BCOR: variants seen among roughly 807,000 people sequenced by gnomAD.
The protein encoded by BCOR is BCL6 corepressor.
Under a neutral mutation model 86.7 loss-of-function variants are expected in BCOR, and 10 were observed. The ratio of observed to expected loss-of-function variants is 0.12; its 90% CI spans 0.07 to 0.20. The LOEUF (loss-of-function observed/expected upper bound fraction) is 0.20, where lower values mean the gene tolerates loss of function less well. Ranked by LOEUF, BCOR falls within the 10% of genes least tolerant of loss-of-function variation. The probability of loss-of-function intolerance (pLI) is 1.00; values close to 1 mark genes in which losing one functional copy is unlikely to be tolerated. For missense variants in BCOR, 1,259 were observed against 1,452.1 expected, an observed-to-expected ratio of 0.87 and a Z score of 2.16; for synonymous variants, 611 against 609.0, an observed-to-expected ratio of 1.00 and a Z score of -0.05.
Position 40,111,457 on chromosome X carries a change from A to G in BCOR, c.-40-33488T>C, listed in dbSNP as rs1410071274. Among the ~76,000 whole-genome samples, 3 of 112,464 alleles carry G rather than the reference A, an allele frequency of 2.7e-5. No individual in the cohort carries two copies. The Admixed American group carries it at 2.8e-4, about 11-fold the overall frequency. On this transcript the variant is annotated intron_variant, in intron 1 of 14. Transcript: ENST00000342274. ...GCTAGTCATGAAGTTATTTTAAGAC[A>G]CTGGAATAAGTGCAGCTTTGTTTAT...
intron 1 of BCOR, among the ~76,000 whole-genome samples, chrX:40,139,482 T>TATAC: frequency 6.6e-5 from 1 of 15,183 alleles, no homozygotes; most frequent in African/African-American, 5.7e-4. Context: ...TATATATATA[T>TATAC]ATATATATAT....
chrX:40,176,948 T>TCCCCA (rs1402838938), intron 1 of BCOR: 4 of 108,631 alleles, frequency 3.7e-5, no homozygotes, highest in Admixed American at 9.7e-5. Context: ...TACTCCCTGC[T>TCCCCA]CCCCACCCCA....
intron 6 of BCOR, 129 bp from the exon 7 acceptor site, chrX:40,064,728 G>A: frequency 1.2e-5 from 9 of 750,137 alleles, no homozygotes; most frequent in Non-Finnish European, 1.8e-5. Context: ...TTTGGAGACT[G>A]GGGTCCTCAC....
In BCOR at chrX:40,074,711, T is replaced by A; in HGVS notation, c.635A>T (p.Lys212Met). 1 of 1,211,390 alleles carries A rather than the reference T, an allele frequency of 8.3e-7. No individual in the cohort carries two copies. The highest frequency in any genetic ancestry group is 2.3e-4 in the Middle Eastern group (1 of 4,356). ...GGCCTTGTACATGTTCAGTGAATAC[T>A]TATTTGGCGAGTCGAGGAAAGGGTA... ...AIYPFLDSPN[K>M]YSLNMYKALL... Residue 212 changes from lysine (K) to methionine (M), a missense_variant, in exon 4 of 15, where the codon AAG becomes ATG. This residue lies in a region of BCOR where 174 missense variants were observed against 189.3 expected (regional missense o/e 0.92). Coordinates refer to ENST00000378444, the MANE Select transcript of BCOR (RefSeq NM_001123385.2).
chrX:40,131,316 A>G (rs1937598863), intron 1 of BCOR, among the ~76,000 whole-genome samples: 1 of 112,360 alleles, frequency 8.9e-6, no homozygotes, highest in Non-Finnish European at 1.9e-5. Flanking sequence ...GAAGGTGCTC[A>G]CTGCACCCTG....
In BCOR at chrX:40,076,447, C is replaced by T; in HGVS notation, c.165+7G>A. 2 of 1,179,115 alleles carry T rather than the reference C, an allele frequency of 1.7e-6. No individual in the cohort carries two copies. Among genetic ancestry groups the T allele is most frequent in the East Asian group, 3.0e-5 (1 of 33,475 alleles). ...TATGGCATCAACAGAAGCTATTAATCTCTTACCACGTTGTGGTTCAAGGGA... is the reference window on the plus strand; with the variant it reads ...TATGGCATCAACAGAAGCTATTAATTTCTTACCACGTTGTGGTTCAAGGGA... On this transcript the variant is annotated splice_region_variant and intron_variant, in intron 3 of 14. Coordinates refer to ENST00000378444, the MANE Select transcript of BCOR (RefSeq NM_001123385.2).
chrX:40,114,017 C>G (rs1937355295), intron 1 of BCOR, among the ~76,000 whole-genome samples: 1 of 111,335 alleles, frequency 9.0e-6, no homozygotes, highest in Admixed American at 9.6e-5. Context: ...CAGGGTTTCA[C>G]CATGTTGGCC....
intron 12 of BCOR, among the ~76,000 whole-genome samples, 197 bp downstream of exon 12, chrX:40,055,171 A>G (rs1219222233): frequency 2.7e-5 from 3 of 112,575 alleles, no homozygotes; most frequent in Non-Finnish European, 5.6e-5. Flanking sequence ...GAAATCTTTT[A>G]AAACATTAGG....
intron 1 of BCOR, among the ~76,000 whole-genome samples, chrX:40,089,612 A>C (rs1373220633): frequency 9.0e-6 from 1 of 110,956 alleles, no homozygotes; most frequent in African/African-American, 3.3e-5. Context: ...ACCCTGGTGT[A>C]AGGCCAATGC....
At chrX:40,139,384 A>T (rs1385667005) in intron 1 of BCOR, among the ~76,000 whole-genome samples, 1 of 17,362 alleles carries the variant, frequency 5.8e-5, no homozygotes, top group Non-Finnish European at 9.9e-5. Flanking sequence ...ATATATATAT[A>T]ATATATATAC....
chrX:40,174,067 TC>T (rs1247048400), intron 1 of BCOR, among the ~76,000 whole-genome samples: 2 of 113,007 alleles, frequency 1.8e-5, no homozygotes, highest in African/African-American at 6.4e-5. Flanking sequence ...GGCCTCGGCC[TC>T]CCCTGCTTGG....
chrX:40,170,868 G>C (rs1348927641), intron 1 of BCOR, among the ~76,000 whole-genome samples: 2 of 112,266 alleles, frequency 1.8e-5, no homozygotes, highest in African/African-American at 6.5e-5. Context: ...TTTCTACTTT[G>C]TTTTCTAATC....
chrX:40,059,967 G>A (rs1934789057), intron 10 of BCOR, among the ~76,000 whole-genome samples: 1 of 112,309 alleles, frequency 8.9e-6, no homozygotes, highest in Non-Finnish European at 1.9e-5. Context: ...GACAGAGGGT[G>A]TTTCTAAACC....
chrX:40,107,436 C>CTAGCTCGACGCGCAAGCCG (rs1937211823), intron 1 of BCOR, among the ~76,000 whole-genome samples: 3 of 112,286 alleles, frequency 2.7e-5, no homozygotes, highest in Non-Finnish European at 5.7e-5. Flanking sequence ...CGCGCGCTCC[C>CTAGCTCGACGCGCAAGCCG]TAGCTCGACG....
chrX:40,161,198 GT>G (rs201049147), intron 1 of BCOR, among the ~76,000 whole-genome samples: 5 of 100,326 alleles, frequency 5.0e-5, no homozygotes, highest in African/African-American at 1.1e-4. Flanking sequence ...GTTTTTTGGG[GT>G]TTTTTTTTGT....
At chrX:40,068,654 C>G (rs1935316074) in intron 6 of BCOR, among the ~76,000 whole-genome samples, 1 of 112,321 alleles carries the variant, frequency 8.9e-6, no homozygotes, top group Non-Finnish European at 1.9e-5. Flanking sequence ...AATAATAAAA[C>G]TAAAAACAAA....
chrX:40,122,791 C>T (rs766493066), intron 1 of BCOR, among the ~76,000 whole-genome samples: 10 of 111,400 alleles, frequency 9.0e-5, no homozygotes, highest in Non-Finnish European at 1.1e-4. Context: ...GATCTCTCCC[C>T]GCCAAGGGAG....
chrX:40,143,825 G>A (rs774137300), intron 1 of BCOR, among the ~76,000 whole-genome samples: 1 of 112,049 alleles, frequency 8.9e-6, no homozygotes, highest in Non-Finnish European at 1.9e-5. Context: ...GCCTGGTGGC[G>A]CGTGCCTGGT....
intron 1 of BCOR, among the ~76,000 whole-genome samples, chrX:40,118,341 C>A (rs1361730852): frequency 9.0e-6 from 1 of 111,169 alleles, no homozygotes; most frequent in Non-Finnish European, 1.9e-5. Context: ...CAGCTCACTG[C>A]AACCTCCGCC....
Sources: gnomAD v4.1 joint callset for allele counts (sites outside exome capture counted in the v4.1 genomes callset) on GRCh38, gnomAD v4.1.1 for gene constraint, gnomAD v4.1.1 regional missense constraint, MANE v1.5 for transcripts, NCBI Gene and HGNC (gene_info 2026-07-23, HGNC 2026-07-21) for gene names.